SLIT2: variants seen among roughly 807,000 people sequenced by gnomAD.
The protein encoded by SLIT2 is slit homolog 2 protein.
In SLIT2, 41 loss-of-function variants were observed where a neutral mutation model predicts 185.7. The ratio of observed to expected loss-of-function variants is 0.22; its 90% CI spans 0.17 to 0.29. The LOEUF is 0.29. Among genes scored for constraint, SLIT2 ranks in the 10% least tolerant of loss-of-function variants. The pLI is 1.00. For synonymous variants in SLIT2, 693 were observed against 680.2 expected (o/e 1.02, Z -0.29); for missense variants, 1,571 against 1,909.0 (o/e 0.82, Z 3.30).
At chr4:20,376,465 C>T (rs903823296) in intron 4 of SLIT2, among the ~76,000 whole-genome samples, 1 of 151,958 alleles carries the variant, frequency 6.6e-6, no homozygotes, top group African/African-American at 2.4e-5. Context: ...TTTGATGTAT[C>T]TTTCAGTTAC....
In SLIT2 at chr4:20,486,286, T is replaced by C. The variant is rs191177277; in HGVS notation, c.611+15T>C. The stretch of plus-strand genomic sequence containing the variant: ...CTTAGGACTTTGTAAGTAGTCACAA[T>C]ATATGTAAAAGTCATATTAATCAAT... On this transcript the variant is annotated intron_variant, in intron 7 of 36. Coordinates refer to ENST00000504154, the MANE Select transcript of SLIT2 (RefSeq NM_004787.4). The C allele has an allele frequency of 3.8e-5, 55 of 1,435,446 alleles. 1 individual carries two copies. The highest frequency in any genetic ancestry group is 3.7e-4 in the Admixed American group (22 of 59,328). The allele number at this position is 1,435,446 out of a possible 1,614,324, so 88.9% of individuals were successfully genotyped here. A position where few individuals can be genotyped will look rare whatever the true frequency, so the allele number is the denominator to read the frequency against.
chr4:20,328,280 A>AT (rs1179971471), intron 4 of SLIT2, among the ~76,000 whole-genome samples: 1 of 152,110 alleles, frequency 6.6e-6, no homozygotes, highest in East Asian at 1.9e-4. Context: ...ACATAGGAAT[A>AT]TTTTGCTAAG....
At chr4:20,390,806 T>G (rs1219173796) in intron 4 of SLIT2, among the ~76,000 whole-genome samples, 1 of 151,502 alleles carries the variant, frequency 6.6e-6, no homozygotes, top group Non-Finnish European at 1.5e-5. Flanking sequence ...ACAATTAGAC[T>G]TCCCCAAATA....
chr4:20,575,944 A>G (rs1274552757), intron 29 of SLIT2, among the ~76,000 whole-genome samples: 1 of 152,014 alleles, frequency 6.6e-6, no homozygotes, highest in Non-Finnish European at 1.5e-5. Context: ...ACGAATATTT[A>G]TAAACTCTGG....
At position 20,484,795 on chromosome 4, in the gene SLIT2, T is replaced by C. The variant is rs1717047641; in HGVS notation, c.540-1405T>C. Among the ~76,000 whole-genome samples the C allele has an allele frequency of 6.6e-6, 1 of 152,180 alleles. No individual in the cohort carries two copies. Among genetic ancestry groups the C allele is most frequent in the African/African-American group, 2.4e-5 (1 of 41,448 alleles). On this transcript the variant is annotated intron_variant, in intron 6 of 36. Coordinates refer to ENST00000504154, the MANE Select transcript of SLIT2 (RefSeq NM_004787.4). The surrounding 1 kb of genome is among the most constrained non-coding windows in gnomAD (Gnocchi z 4.3). Reference sequence around the variant, plus strand: ...GGAAAATCTGATTGTTTGACAGCCCTCCCTTACAGCAGGTCAGTAGTCCAT... The same window carrying C: ...GGAAAATCTGATTGTTTGACAGCCCCCCCTTACAGCAGGTCAGTAGTCCAT...
chr4:20,494,589 A>G (rs1718059092), intron 9 of SLIT2, among the ~76,000 whole-genome samples: 1 of 152,122 alleles, frequency 6.6e-6, no homozygotes, highest in Non-Finnish European at 1.5e-5. Flanking sequence ...ATCCTGGCTA[A>G]CACAGTGAAA....
intron 18 of SLIT2, among the ~76,000 whole-genome samples, chr4:20,538,321 C>G (rs1722489663): frequency 6.6e-6 from 1 of 152,196 alleles, no homozygotes; most frequent in Non-Finnish European, 1.5e-5. Flanking sequence ...AGACCCAGTG[C>G]TCTTCATCAT....
chr4:20,380,259 C>T (rs1449908803), intron 4 of SLIT2, among the ~76,000 whole-genome samples: 1 of 152,126 alleles, frequency 6.6e-6, no homozygotes, highest in Non-Finnish European at 1.5e-5. Context: ...ATCTTATAAG[C>T]ATTTCTCAAA....
chr4:20,503,919 C>T (rs627002), intron 9 of SLIT2, among the ~76,000 whole-genome samples: 114,418 of 152,034 alleles, frequency 0.75, 43,373 homozygotes, highest in East Asian at 0.95. Flanking sequence ...GCTGTATGCC[C>T]AGAAGTATCA....
At chr4:20,437,102 AT>A (rs1483765331) in intron 4 of SLIT2, among the ~76,000 whole-genome samples, 3 of 152,164 alleles carry the variant, frequency 2.0e-5, no homozygotes, top group Non-Finnish European at 4.4e-5. Flanking sequence ...TTGATTTTTA[AT>A]TCTGTAATGA....
rs888479983 is a variant in SLIT2 at position 20,527,770 on chromosome 4, G to A, written c.1463-1179G>A. Among the ~76,000 whole-genome samples, 10 of 152,088 alleles carry A rather than the reference G, an allele frequency of 6.6e-5. No individual in the cohort carries two copies. The East Asian group carries it at 9.6e-4, about 15-fold the overall frequency. On this transcript the variant is annotated intron_variant, in intron 15 of 36. Transcript: ENST00000504154. The stretch of plus-strand genomic sequence containing the variant: ...CCATAATAAAGAAAGAAGGAAGAGA[G>A]CTTAGTTTTATAAATATGTATATTA...
At chr4:20,308,992 T>C (rs1413306220) in intron 4 of SLIT2, among the ~76,000 whole-genome samples, 2 of 152,162 alleles carry the variant, frequency 1.3e-5, no homozygotes, top group Non-Finnish European at 2.9e-5. Flanking sequence ...AGTTTAATTT[T>C]ATGCCATTCC....
At chr4:20,552,949 G>A (rs1723907899) in intron 25 of SLIT2, among the ~76,000 whole-genome samples, 1 of 152,172 alleles carries the variant, frequency 6.6e-6, no homozygotes, top group Non-Finnish European at 1.5e-5. Flanking sequence ...AGGATAAAAT[G>A]AAGTAATTCT....
At chr4:20,265,598 T>C (rs1269029823) in intron 3 of SLIT2, among the ~76,000 whole-genome samples, 2 of 151,912 alleles carry the variant, frequency 1.3e-5, no homozygotes, top group African/African-American at 4.8e-5. Context: ...ATAATAACTT[T>C]CATGAAATAA....
intron 4 of SLIT2, among the ~76,000 whole-genome samples, chr4:20,392,025 T>A (rs1725463789): frequency 6.6e-6 from 1 of 151,984 alleles, no homozygotes; most frequent in African/African-American, 2.4e-5. Context: ...AGTATGCCAG[T>A]TGTTAGCATG....
intron 34 of SLIT2, among the ~76,000 whole-genome samples, chr4:20,613,004 C>G (rs1041088606): frequency 1.3e-5 from 2 of 150,916 alleles, no homozygotes; most frequent in Non-Finnish European, 2.9e-5. Context: ...CAAAAAATAA[C>G]AGCTGCTGGC....
At chr4:20,471,144 T>G (rs1227065048) in intron 5 of SLIT2, among the ~76,000 whole-genome samples, 1 of 152,182 alleles carries the variant, frequency 6.6e-6, no homozygotes, top group Admixed American at 6.5e-5. Context: ...TGTATAGGTT[T>G]ATTTTATGAA....
At chr4:20,440,066 T>C (rs1164772098) in intron 4 of SLIT2, among the ~76,000 whole-genome samples, 1 of 152,228 alleles carries the variant, frequency 6.6e-6, no homozygotes, top group African/African-American at 2.4e-5. Flanking sequence ...AGAAGTGCAA[T>C]TAATTGTTAA....
intron 9 of SLIT2, among the ~76,000 whole-genome samples, chr4:20,502,042 T>A (rs572372602): frequency 6.6e-6 from 1 of 152,326 alleles, no homozygotes; most frequent in Non-Finnish European, 1.5e-5. Flanking sequence ...ATACATGTTA[T>A]ACATACATAT....
Sources: gnomAD v4.1 joint callset for allele counts (sites outside exome capture counted in the v4.1 genomes callset) on GRCh38, gnomAD v4.1.1 for gene constraint, Gnocchi (gnomAD v3.1) non-coding constraint, MANE v1.5 for transcripts, NCBI Gene and HGNC (gene_info 2026-07-23, HGNC 2026-07-21) for gene names.